The following NOTCH1 variants were observed in gnomAD, a reference collection of about 807,000 sequenced individuals.
NOTCH1 encodes neurogenic locus notch homolog protein 1.
Under a neutral mutation model 254.8 loss-of-function variants are expected in NOTCH1, and 37 were observed. That is an observed-to-expected ratio of 0.15 (90% CI 0.11 to 0.19). The LOEUF (loss-of-function observed/expected upper bound fraction) is 0.19, where lower values mean the gene tolerates loss of function less well. Ranked by LOEUF, NOTCH1 falls within the 10% of genes least tolerant of loss-of-function variation. The pLI is 1.00. For missense variants in NOTCH1, 2,972 were observed against 3,708.6 expected (o/e 0.80, Z 5.16); for synonymous variants, 1,731 against 1,618.1 (o/e 1.07, Z -1.68).
intron 4 of NOTCH1, among the ~76,000 whole-genome samples, chr9:136,521,333 C>T (rs1843363662): frequency 6.6e-6 from 1 of 152,160 alleles, no homozygotes; most frequent in Non-Finnish European, 1.5e-5. Context: ...GAGTGAACCC[C>T]ACCAGCCCCT....
rs902251832 is a variant in NOTCH1, at chr9:136,515,634, G to A, written c.1752C>T (p.Val584=). Residue 584 remains valine, a synonymous_variant, in exon 11 of 34, where the codon GTC becomes GTT. Transcript: ENST00000651671. The stretch of plus-strand genomic sequence containing the variant: ...GGCGGCAGAGGCAGGTGAAGGTGGC[G>A]ACGCCGTCCTTGCAGGAGCCGTAGT... ...PCHYGSCKDG[V]ATFTCLCRPG... is the part of the protein sequence containing the mutation. The A allele has an allele frequency of 1.5e-5, 24 of 1,601,102 alleles. No homozygotes were observed. Among genetic ancestry groups the A allele is most frequent in the South Asian group, 2.2e-5 (2 of 90,008 alleles).
intron 3 of NOTCH1, 59 bp downstream of exon 3, chr9:136,523,658 T>A: frequency 1.3e-6 from 2 of 1,553,736 alleles, no homozygotes; most frequent in Non-Finnish European, 8.7e-7. Context: ...TCAAGTTGCC[T>A]GGGCAGCTGG....
chr9:136,498,335 C>G (rs1239001633), intron 33 of NOTCH1, among the ~76,000 whole-genome samples: 1 of 151,708 alleles, frequency 6.6e-6, no homozygotes, highest in African/African-American at 2.4e-5. Flanking sequence ...GGGCCAGGAG[C>G]TGCAGGGCCA....
At chr9:136,516,639 C>T (rs1029464697) in intron 9 of NOTCH1, among the ~76,000 whole-genome samples, 3 of 152,188 alleles carry the variant, frequency 2.0e-5, no homozygotes, top group Non-Finnish European at 4.4e-5. Flanking sequence ...GCAGGCTGGC[C>T]TCCCTCCCAG....
chr9:136,539,016 C>A (rs1843694914), intron 2 of NOTCH1, among the ~76,000 whole-genome samples: 1 of 152,200 alleles, frequency 6.6e-6, no homozygotes, highest in Admixed American at 6.5e-5. Flanking sequence ...CTGCCCATCA[C>A]AGGTGCAGGG....
At chr9:136,539,007 T>C (rs1843694808) in intron 2 of NOTCH1, among the ~76,000 whole-genome samples, 1 of 152,206 alleles carries the variant, frequency 6.6e-6, no homozygotes, top group Non-Finnish European at 1.5e-5. Context: ...TGGCCGCTGC[T>C]GCCCATCACA....
Position 136,514,604 on chromosome 9 carries a change from G to A in NOTCH1, c.2113C>T (p.Pro705Ser), listed in dbSNP as rs747193115. 6.2e-7 allele frequency: 1 copy of A among 1,608,670 alleles called. No homozygotes were observed. The highest frequency in any genetic ancestry group is 8.5e-7 in the Non-Finnish European group (1 of 1,178,566). ...DGINGFTCRCPEGYHDPTCLS... is the reference protein window; with the variant it reads ...DGINGFTCRCSEGYHDPTCLS... The stretch of plus-strand genomic sequence containing the variant: ...CAGGTGGGGTCGTGGTAGCCCTCGG[G>A]GCAGCGGCAGGTGAAGCCATTGATG... The change falls in exon 13 of 34, where the codon CCC (proline) becomes TCC (serine). Residue 705 changes from proline to serine, a missense_variant. This residue lies in a region of NOTCH1 where 1,343 missense variants were observed against 1,557.0 expected (regional missense o/e 0.86). Transcript: ENST00000651671.
rs1204513409 is a variant in NOTCH1 at position 136,495,278 on chromosome 9, G to A, written c.*793C>T. 8 of 398,990 alleles carry A rather than the reference G, an allele frequency of 2.0e-5. No homozygotes were observed. Among genetic ancestry groups the A allele is most frequent in the Middle Eastern group, 6.3e-4 (1 of 1,590 alleles). The allele number at this position is 398,990 out of a possible 1,614,324, so 24.7% of individuals were successfully genotyped here. A position where few individuals can be genotyped will look rare whatever the true frequency, so the allele number is the denominator to read the frequency against. The stretch of plus-strand genomic sequence containing the variant: ...ACATTTCAAGAACGGGCAGGGGGCC[G>A]GGGTGGTTCTGGAGGGACCAAGAAC... On this transcript the variant is annotated 3_prime_UTR_variant, in exon 34 of 34. Transcript: ENST00000651671.
intron 4 of NOTCH1, 200 bp from the exon 5 acceptor site, chr9:136,519,765 C>A: frequency 1.4e-6 from 1 of 706,410 alleles, no homozygotes; most frequent in South Asian, 1.6e-5. Context: ...TTGGACAGGA[C>A]TGGCTAAACA....
intron 13 of NOTCH1, 69 bp downstream of exon 13, chr9:136,514,441 C>T (rs150091913): frequency 6.7e-7 from 1 of 1,499,068 alleles, no homozygotes; most frequent in African/African-American, 1.4e-5. Flanking sequence ...GTGCAGGTGC[C>T]ACCCTCCTGG....
chr9:136,505,153 A>G (rs899365028), intron 25 of NOTCH1, 49 bp from the exon 26 acceptor site: 1 of 1,559,772 alleles, frequency 6.4e-7, no homozygotes, highest in Non-Finnish European at 8.7e-7. Flanking sequence ...GGGGCCTCGC[A>G]CCCGCCGTCC....
At chr9:136,503,070 C>T in intron 27 of NOTCH1, 112 bp downstream of exon 27, 4 of 1,487,404 alleles carry the variant, frequency 2.7e-6, no homozygotes, top group South Asian at 1.1e-5. Context: ...ACTCGGACGG[C>T]AACGCTCACA....
intron 28 of NOTCH1, 48 bp downstream of exon 28, chr9:136,502,224 G>C: frequency 6.3e-7 from 1 of 1,592,672 alleles, no homozygotes; most frequent in Non-Finnish European, 8.6e-7. Context: ...GCTCGGCCAG[G>C]TCCCACCTCC....
At chr9:136,541,701 C>T (rs1269491793) in intron 2 of NOTCH1, among the ~76,000 whole-genome samples, 1 of 152,192 alleles carries the variant, frequency 6.6e-6, no homozygotes, top group African/African-American at 2.4e-5. Flanking sequence ...GGGAGGGAGC[C>T]CGGGGCCTTC....
chr9:136,508,949 A>G lies in NOTCH1; in HGVS notation c.3092T>C (p.Leu1031Pro). 1 of 1,551,204 alleles carries G rather than the reference A, an allele frequency of 6.4e-7. No homozygotes were observed. The highest frequency in any genetic ancestry group is 8.7e-7 in the Non-Finnish European group (1 of 1,148,020). Residue 1031 changes from leucine to proline, a missense_variant, in exon 19 of 34, where the codon CTG becomes CCG. Leu to Pro is a moderately conservative substitution (Grantham distance 98, BLOSUM62 -3). Around this residue, in one of 8 missense-constraint regions of NOTCH1, gnomAD observed 1,343 missense variants for 1,557.0 expected, o/e 0.86. Coordinates refer to ENST00000651671, the MANE Select transcript of NOTCH1 (RefSeq NM_017617.5). Reference protein sequence around the residue: ...DVNECDSQPCLHGGTCQDGCG... With the variant: ...DVNECDSQPCPHGGTCQDGCG... ...GCCGTCCTGACAGGTGCCGCCATGC[A>G]GGCAGGGCTGTGAGTCGCACTCATT...
chr9:136,521,436 G>A (rs929999065), intron 4 of NOTCH1, among the ~76,000 whole-genome samples: 50 of 152,056 alleles, frequency 3.3e-4, no homozygotes, highest in African/African-American at 1.2e-3. Flanking sequence ...CATCTCTGCC[G>A]CTGGGCCTCA....
At position 136,505,197 on chromosome 9, in the gene NOTCH1, C is replaced by T. The variant is rs368747316; in HGVS notation, c.4587-93G>A. The T allele has an allele frequency of 5.4e-5, 81 of 1,513,500 alleles. 1 individual carries two copies. In the African/African-American group the frequency reaches 7.8e-4, roughly 15 times the overall value. The allele number at this position is 1,513,500 out of a possible 1,614,324, so 93.8% of individuals were successfully genotyped here. ...CAGCCCACTGGCCAGCCGCGGGGGACGTCCCTGCACCCCCTGAGCAGAGCC... is the reference window on the plus strand; with the variant it reads ...CAGCCCACTGGCCAGCCGCGGGGGATGTCCCTGCACCCCCTGAGCAGAGCC... On this transcript the variant is annotated intron_variant, in intron 25 of 33. Coordinates refer to ENST00000651671, the MANE Select transcript of NOTCH1 (RefSeq NM_017617.5).
chr9:136,497,576 G>A lies in NOTCH1; in HGVS notation c.6181-18C>T, dbSNP rs1257719720. Reference sequence around the variant, plus strand: ...GTCTCCTCCTGGGGGATGAGGGCGGGGGCCGGTGAGGGGGGCCAGGCCAGG... The same window carrying A: ...GTCTCCTCCTGGGGGATGAGGGCGGAGGCCGGTGAGGGGGGCCAGGCCAGG... On this transcript the variant is annotated intron_variant, in intron 33 of 33. Transcript: ENST00000651671. 1.3e-6 allele frequency: 2 copies of A among 1,558,964 alleles called. No individual in the cohort carries two copies. Among genetic ancestry groups the A allele is most frequent in the African/African-American group, 2.7e-5 (2 of 74,298 alleles).
chr9:136,524,992 T>C (rs1291286248), intron 2 of NOTCH1, among the ~76,000 whole-genome samples: 1 of 152,152 alleles, frequency 6.6e-6, no homozygotes, highest in African/African-American at 2.4e-5. Context: ...ATGGGACATC[T>C]CATGTCAAGA....
Sources: gnomAD v4.1 joint callset for allele counts (sites outside exome capture counted in the v4.1 genomes callset) on GRCh38, gnomAD v4.1.1 for gene constraint, gnomAD v4.1.1 regional missense constraint, MANE v1.5 for transcripts, NCBI Gene and HGNC (gene_info 2026-07-23, HGNC 2026-07-21) for gene names.